PPP2R2D: variants seen among roughly 807,000 people sequenced by gnomAD.
The protein encoded by PPP2R2D is protein phosphatase 2 regulatory subunit Bdelta.
A neutral mutation model predicts 31.1 loss-of-function variants in PPP2R2D; 9 were observed. The ratio of observed to expected loss-of-function variants is 0.29; its 90% CI spans 0.17 to 0.51. PPP2R2D has a LOEUF of 0.51. Among genes scored for constraint, PPP2R2D ranks in the 20% least tolerant of loss-of-function variants. The pLI, the probability that PPP2R2D is intolerant of heterozygous loss-of-function variation, is 0.98. For missense variants in PPP2R2D, 391 were observed against 465.6 expected (o/e 0.84, Z 1.48); for synonymous variants, 179 against 172.6 (o/e 1.04, Z -0.29).
chr10:131,923,791 C>A (rs564318407), intron 2 of PPP2R2D, among the ~76,000 whole-genome samples: 1 of 152,174 alleles, frequency 6.6e-6, no homozygotes, highest in Admixed American at 6.5e-5. Flanking sequence ...GAGACAGGGT[C>A]TTGCTCTGTC....
Position 131,955,827 on chromosome 10 carries a change from G to A in PPP2R2D, c.1226G>A (p.Arg409Gln), listed in dbSNP as rs782173844. 4 of 1,609,370 alleles carry A rather than the reference G, an allele frequency of 2.5e-6. No individual in the cohort carries two copies. The highest frequency in any genetic ancestry group is 1.3e-5 in the African/African-American group (1 of 74,676). The part of the protein sequence containing the change: ...KPRKVCTGGK[R>Q]RKDEISVDSL... ...CGGAAGGTGTGTACGGGGGGTAAGC[G>A]GAGGAAAGACGAGATCAGTGTGGAC... is the stretch of plus-strand genomic sequence containing the variant. Residue 409 changes from arginine (R) to glutamine (Q), a missense_variant, in exon 9 of 9, where the codon CGG becomes CAG. Physicochemically the swap from Arg to Gln is conservative, Grantham distance 43. Coordinates refer to ENST00000455566, the MANE Select transcript of PPP2R2D (RefSeq NM_018461.5).
At chr10:131,936,491 T>C (rs1476156094) in intron 3 of PPP2R2D, among the ~76,000 whole-genome samples, 1 of 152,218 alleles carries the variant, frequency 6.6e-6, no homozygotes, top group African/African-American at 2.4e-5. Flanking sequence ...GCTATCTTAA[T>C]GCAAGACTTC....
intron 5 of PPP2R2D, among the ~76,000 whole-genome samples, chr10:131,942,460 T>TTGTATCTAACAGATACAAAATAA (rs2036459268): frequency 6.6e-6 from 1 of 152,244 alleles, no homozygotes; most frequent in Non-Finnish European, 1.5e-5. Flanking sequence ...CTCTAACAGT[T>TTGTATCTAACAGATACAAAATAA]CAGAGTGGGC....
chr10:131,963,668 A>G (rs2036948443), downstream of PPP2R2D, among the ~76,000 whole-genome samples: 1 of 152,190 alleles, frequency 6.6e-6, no homozygotes, highest in Non-Finnish European at 1.5e-5. Context: ...CTGCCTTTCT[A>G]ACAAGCCCCC....
At position 131,956,137 on chromosome 10, in the gene PPP2R2D, C is replaced by T. The variant is rs1015589757; in HGVS notation, c.*174C>T. 34 of 1,246,084 alleles carry T rather than the reference C, an allele frequency of 2.7e-5. No homozygotes were observed. The highest frequency in any genetic ancestry group is 9.3e-5 in the African/African-American group (6 of 64,828). The allele number at this position is 1,246,084 out of a possible 1,614,324, so 77.2% of individuals were successfully genotyped here. A position where few individuals can be genotyped will look rare whatever the true frequency, so the allele number is the denominator to read the frequency against. ...GAGGCCCGGTGTGGTTCCGCCTCGG[C>T]GAGGCGCGAGACAGGCGCTGCTGCT... On this transcript the variant is annotated 3_prime_UTR_variant, in exon 9 of 9. Transcript: ENST00000455566.
rs998223102 is a variant in PPP2R2D at position 131,945,585 on chromosome 10, G to A, written c.820+126G>A. The A allele has an allele frequency of 8.0e-6, 9 of 1,128,494 alleles. No homozygotes were observed. Among genetic ancestry groups the A allele is most frequent in the Admixed American group, 5.5e-5 (2 of 36,154 alleles). The allele number at this position is 1,128,494 out of a possible 1,614,324, so 69.9% of individuals were successfully genotyped here. On this transcript the variant is annotated intron_variant, in intron 7 of 8. Transcript: ENST00000455566. This position sits in a 1 kb window ranked among gnomAD's most constrained non-coding sequence, Gnocchi z 4.8. ...AGCAAGTCTTCTGCCTCGGCCTCCC[G>A]AGTAGCTGGGACCACAGGCAGGTGC...
At chr10:131,946,267 C>T (rs994261513) in intron 7 of PPP2R2D, among the ~76,000 whole-genome samples, 15 of 152,202 alleles carry the variant, frequency 9.9e-5, no homozygotes, top group Admixed American at 3.9e-4. Context: ...TATTTTTAGC[C>T]ATAAAGAATG....
intron 2 of PPP2R2D, among the ~76,000 whole-genome samples, chr10:131,913,563 TG>T (rs2035718942): frequency 1.3e-5 from 2 of 152,136 alleles, no homozygotes; most frequent in South Asian, 4.2e-4. Context: ...AGGAATAATG[TG>T]TGGGACAAAA....
intron 2 of PPP2R2D, among the ~76,000 whole-genome samples, chr10:131,902,569 T>G (rs2119688859): frequency 6.6e-6 from 1 of 152,340 alleles, no homozygotes; most frequent in African/African-American, 2.4e-5. Flanking sequence ...TTTTATGTGA[T>G]CTAAAAAGTT....
At position 131,956,073 on chromosome 10, in the gene PPP2R2D, ACTTC is replaced by A; in HGVS notation, c.*112_*115del. 7.8e-7 allele frequency: 1 copy of A among 1,278,056 alleles called. No homozygotes were observed. Among genetic ancestry groups the A allele is most frequent in the Non-Finnish European group, 9.9e-7 (1 of 1,011,982 alleles). The allele number at this position is 1,278,056 out of a possible 1,614,324, so 79.2% of individuals were successfully genotyped here. ...CATTAAGAACAGTGACGCACCTGCT[ACTTC>A]CCTTCACAGACACAGGAGAAAGCCG... On this transcript the variant is annotated 3_prime_UTR_variant, in exon 9 of 9. Coordinates refer to ENST00000455566, the MANE Select transcript of PPP2R2D (RefSeq NM_018461.5).
intron 2 of PPP2R2D, among the ~76,000 whole-genome samples, chr10:131,917,194 C>G (rs1334230467): frequency 4.2e-5 from 6 of 143,584 alleles, no homozygotes; most frequent in South Asian, 2.3e-4. Flanking sequence ...GTAGGGACCT[C>G]AGGTGGGTGG....
At chr10:131,914,634 TG>T (rs782402341) in intron 2 of PPP2R2D, among the ~76,000 whole-genome samples, 9 of 152,286 alleles carry the variant, frequency 5.9e-5, no homozygotes, top group Non-Finnish European at 1.3e-4. Flanking sequence ...ACACACTTTG[TG>T]GAGTAAGAGT....
At chr10:131,916,733 A>T (rs1422386802) in intron 2 of PPP2R2D, among the ~76,000 whole-genome samples, 1 of 150,450 alleles carries the variant, frequency 6.6e-6, no homozygotes, top group African/African-American at 2.5e-5. Flanking sequence ...AGGCGGAATG[A>T]CACAGTGTAG....
rs577331641 is a variant in PPP2R2D, at chr10:131,959,171, C to A, written c.*3208C>A. 3 of 156,500 alleles carry A rather than the reference C, an allele frequency of 1.9e-5. No individual in the cohort carries two copies. The highest frequency in any genetic ancestry group is 9.2e-5 in the African/African-American group (3 of 32,604). The allele number at this position is 156,500 out of a possible 1,614,324, so 9.7% of individuals were successfully genotyped here. On this transcript the variant is annotated 3_prime_UTR_variant, in exon 9 of 9. Coordinates refer to ENST00000455566, the MANE Select transcript of PPP2R2D (RefSeq NM_018461.5). ...TGAAGGTGTGTGCTGATCCCCGGTC[C>A]CCCTGTGGAGATGAAGGTGTGTGCT... is the stretch of plus-strand genomic sequence containing the variant.
chr10:131,962,902 C>T (rs1380596088), downstream of PPP2R2D, among the ~76,000 whole-genome samples: 3 of 152,216 alleles, frequency 2.0e-5, no homozygotes, highest in Non-Finnish European at 4.4e-5. Context: ...TGGTGGCTCA[C>T]GCCTGTAATC....
intron 3 of PPP2R2D, among the ~76,000 whole-genome samples, chr10:131,936,532 G>T (rs1286055964): frequency 6.6e-6 from 1 of 152,160 alleles, no homozygotes; most frequent in Non-Finnish European, 1.5e-5. Flanking sequence ...GTCTGTCATT[G>T]TAGCGATAGC....
Position 131,945,142 on chromosome 10 carries a change from C to G in PPP2R2D, c.656-153C>G, listed in dbSNP as rs1444628430. On this transcript the variant is annotated intron_variant, in intron 6 of 8. Coordinates refer to ENST00000455566, the MANE Select transcript of PPP2R2D (RefSeq NM_018461.5). This position sits in a 1 kb window ranked among gnomAD's most constrained non-coding sequence, Gnocchi z 4.8. ...ATCCCAATCCCCTTACCAGGCGCTC[C>G]TTTGGAATTCGGGATGTGTAACCAG... Among the ~76,000 whole-genome samples, 1 of 152,206 alleles carries G rather than the reference C, an allele frequency of 6.6e-6. No individual in the cohort carries two copies. The highest frequency in any genetic ancestry group is 1.5e-5 in the Non-Finnish European group (1 of 68,044).
At chr10:131,951,696 C>A (rs1554898779) in intron 8 of PPP2R2D, among the ~76,000 whole-genome samples, 1 of 152,090 alleles carries the variant, frequency 6.6e-6, no homozygotes, top group African/African-American at 2.4e-5. Context: ...TGGTGCATGC[C>A]TTTAATCCCA....
chr10:131,916,969 A>G (rs377692667), intron 2 of PPP2R2D, among the ~76,000 whole-genome samples: 2 of 148,554 alleles, frequency 1.3e-5, no homozygotes, highest in African/African-American at 5.0e-5. Flanking sequence ...AGGTGGGTGG[A>G]ATGACACAGT....
Sources: gnomAD v4.1 joint callset for allele counts (sites outside exome capture counted in the v4.1 genomes callset) on GRCh38, gnomAD v4.1.1 for gene constraint, Gnocchi (gnomAD v3.1) non-coding constraint, MANE v1.5 for transcripts, NCBI Gene and HGNC (gene_info 2026-07-23, HGNC 2026-07-21) for gene names.